Variants in ARHGAP6 observed in about 807,000 individuals in gnomAD.
ARHGAP6 encodes rho GTPase-activating protein 6.
ARHGAP6 carries 16 observed loss-of-function variants against 55.7 expected under a neutral mutation model. The ratio of observed to expected loss-of-function variants is 0.29; its 90% CI spans 0.19 to 0.44. The LOEUF is 0.44. ARHGAP6 is among the 20% of genes least tolerant of loss of function. The probability of loss-of-function intolerance (pLI) is 1.00; values close to 1 mark genes in which losing one functional copy is unlikely to be tolerated. For synonymous variants in ARHGAP6, 382 were observed against 360.9 expected (o/e 1.06, Z -0.66); for missense variants, 698 against 808.9 (o/e 0.86, Z 1.66).
At chrX:11,269,427 A>C (rs2047667703) in intron 1 of ARHGAP6, among the ~76,000 whole-genome samples, 1 of 112,054 alleles carries the variant, frequency 8.9e-6, no homozygotes, top group African/African-American at 3.2e-5. Flanking sequence ...GACATCCTTC[A>C]GATTTTGAAT....
At chrX:11,407,749 T>C (rs1380846697) in intron 1 of ARHGAP6, among the ~76,000 whole-genome samples, 1 of 112,036 alleles carries the variant, frequency 8.9e-6, no homozygotes, top group Non-Finnish European at 1.9e-5. Context: ...TGCTAAAGAT[T>C]TTGAGCATGT....
chrX:11,369,712 A>T (rs1264106903), intron 1 of ARHGAP6, among the ~76,000 whole-genome samples: 1 of 112,203 alleles, frequency 8.9e-6, no homozygotes, highest in Non-Finnish European at 1.9e-5. Context: ...GGTAGCTGAA[A>T]TTGTCATCAT....
chrX:11,491,410 G>A (rs1394976161), intron 1 of ARHGAP6, among the ~76,000 whole-genome samples: 1 of 104,939 alleles, frequency 9.5e-6, no homozygotes, highest in Non-Finnish European at 1.9e-5. Flanking sequence ...TCCCCTTCCT[G>A]TTTCCATGTG....
At chrX:11,477,396 C>T (rs2050414608) in intron 1 of ARHGAP6, among the ~76,000 whole-genome samples, 1 of 111,636 alleles carries the variant, frequency 9.0e-6, no homozygotes, top group African/African-American at 3.2e-5. Flanking sequence ...ACTCTCATGC[C>T]TTGCTGATGG....
chrX:11,560,797 C>T (rs1241294183), intron 1 of ARHGAP6, among the ~76,000 whole-genome samples: 1 of 112,404 alleles, frequency 8.9e-6, no homozygotes, highest in East Asian at 2.8e-4. Context: ...TTCCATACCT[C>T]TTTTTTGATA....
At chrX:11,291,996 G>A (rs1397402120) in intron 1 of ARHGAP6, among the ~76,000 whole-genome samples, 1 of 111,508 alleles carries the variant, frequency 9.0e-6, no homozygotes, top group Non-Finnish European at 1.9e-5. Context: ...GGGTTGGGGA[G>A]AGTAATAAAT....
intron 1 of ARHGAP6, among the ~76,000 whole-genome samples, chrX:11,311,546 C>G (rs2048301329): frequency 9.0e-6 from 1 of 111,593 alleles, no homozygotes; most frequent in African/African-American, 3.3e-5. Context: ...ACATTTTTGG[C>G]CAATATGTAA....
chrX:11,520,003 A>C (rs201415341), intron 1 of ARHGAP6, among the ~76,000 whole-genome samples: 5,456 of 94,008 alleles, frequency 0.058, 281 homozygotes, highest in East Asian at 0.15. Context: ...TAATTAAACT[A>C]AAGAGCTTCT....
chrX:11,175,781 C>T (rs1325773687), intron 8 of ARHGAP6, among the ~76,000 whole-genome samples: 7 of 110,551 alleles, frequency 6.3e-5, no homozygotes, highest in Non-Finnish European at 1.3e-4. Context: ...ATGCACAGGA[C>T]GGCCCCATGA....
rs189766190 is a variant in ARHGAP6 at position 11,586,989 on chromosome X, A to G, written c.588+77252T>C. On this transcript the variant is annotated intron_variant, in intron 1 of 12. Transcript: ENST00000337414. ...CTCTTGACTTGACGGTTGTTGGTGT[A>G]TAGGAATGCTAGTGATTTTTATACG... 4.2e-4 allele frequency among the ~76,000 whole-genome samples: 47 copies of G among 111,801 alleles called. 1 individual carries two copies. The East Asian group carries it at 0.012, about 28-fold the overall frequency.
intron 1 of ARHGAP6, among the ~76,000 whole-genome samples, chrX:11,568,407 C>T (rs1337161744): frequency 1.8e-5 from 2 of 112,417 alleles, no homozygotes; most frequent in African/African-American, 6.5e-5. Context: ...CTCTTCAATC[C>T]TGAAGCAATT....
At chrX:11,589,186 C>T (rs1377205979) in intron 1 of ARHGAP6, among the ~76,000 whole-genome samples, 1 of 107,588 alleles carries the variant, frequency 9.3e-6, no homozygotes, top group Non-Finnish European at 1.9e-5. Flanking sequence ...GTACTACAGG[C>T]GCATGCCACC....
At chrX:11,264,800 G>C (rs1035595635) in intron 1 of ARHGAP6, among the ~76,000 whole-genome samples, 1 of 111,687 alleles carries the variant, frequency 9.0e-6, no homozygotes, top group African/African-American at 3.2e-5. Flanking sequence ...TAGATGGTCC[G>C]CTCTCTGCTA....
chrX:11,451,896 GA>G (rs1449024300), intron 1 of ARHGAP6, among the ~76,000 whole-genome samples: 1 of 112,146 alleles, frequency 8.9e-6, no homozygotes, highest in Non-Finnish European at 1.9e-5. Context: ...CACTTAAGAT[GA>G]AAATCAACAG....
At chrX:11,625,763 T>G (rs139469358) in intron 1 of ARHGAP6, among the ~76,000 whole-genome samples, 279 of 111,960 alleles carry the variant, frequency 2.5e-3, no homozygotes, top group Non-Finnish European at 3.3e-3. Flanking sequence ...TCATTACACA[T>G]TGTATGCTTG....
chrX:11,509,175 T>A (rs2050761283), intron 1 of ARHGAP6, among the ~76,000 whole-genome samples: 1 of 111,586 alleles, frequency 9.0e-6, no homozygotes, highest in South Asian at 3.8e-4. Context: ...GTTAACAGAG[T>A]TCATCATACT....
At chrX:11,598,823 G>A (rs1271127892) in intron 1 of ARHGAP6, among the ~76,000 whole-genome samples, 1 of 111,770 alleles carries the variant, frequency 8.9e-6, no homozygotes, top group Non-Finnish European at 1.9e-5. Flanking sequence ...CTGGGAGGCT[G>A]AGGTGGGAGG....
rs764295217 is a variant in ARHGAP6, at chrX:11,625,150, A to G, written c.588+39091T>C. On this transcript the variant is annotated intron_variant, in intron 1 of 12. Transcript: ENST00000337414. ...TAACACCATATGATCCAGCAATTCT[A>G]TTGCTGGATATACATCCAAAAGAAA... is the stretch of plus-strand genomic sequence containing the variant. Among the ~76,000 whole-genome samples, 8 of 111,774 alleles carry G rather than the reference A, an allele frequency of 7.2e-5. No individual in the cohort carries two copies. In the East Asian group the frequency reaches 2.2e-3, roughly 31 times the overall value.
chrX:11,564,323 A>G (rs377698258), intron 1 of ARHGAP6, among the ~76,000 whole-genome samples: 2 of 111,286 alleles, frequency 1.8e-5, no homozygotes, highest in African/African-American at 6.5e-5. Flanking sequence ...ATTGATTACA[A>G]CTTCCATACA....
Sources: gnomAD v4.1 joint callset for allele counts (sites outside exome capture counted in the v4.1 genomes callset) on GRCh38, gnomAD v4.1.1 for gene constraint, MANE v1.5 for transcripts, NCBI Gene and HGNC (gene_info 2026-07-23, HGNC 2026-07-21) for gene names.